Variants in LMF1 observed in about 807,000 individuals in gnomAD.
LMF1 encodes the protein lipase maturation factor 1.
In LMF1, 68 loss-of-function variants were observed where a neutral mutation model predicts 60.6. The observed-to-expected ratio is 1.12, with a 90% CI of 0.92 to 1.37. LMF1 has a LOEUF of 1.37. Ranked by LOEUF, LMF1 falls within the 40% of genes most tolerant of loss-of-function variation. LMF1 has a pLI of 0.00. For synonymous variants in LMF1, 418 were observed against 324.7 expected (o/e 1.29, Z -3.09); for missense variants, 948 against 767.2 (o/e 1.24, Z -2.78).
At chr16:911,195 A>C (rs2071102745) in intron 3 of LMF1, 116 bp from the exon 4 acceptor site, 1 of 1,170,162 alleles carries the variant, frequency 8.5e-7, no homozygotes, top group African/African-American at 1.5e-5. Flanking sequence ...TGATCTTGCT[A>C]CTGAGAGACA....
rs1567311640 is a variant in LMF1, at chr16:953,919, CAAACCA to C, written c.503+432_503+437del. On this transcript the variant is annotated intron_variant, in intron 2 of 10. Coordinates refer to ENST00000262301, the MANE Select transcript of LMF1 (RefSeq NM_022773.4). ...TACACGTCCACACAGACACCCACCC[CAAACCA>C]GCTTCCTACACGTCCACACAGACAC... is the stretch of plus-strand genomic sequence containing the variant. 2.0e-4 allele frequency among the ~76,000 whole-genome samples: 15 copies of C among 76,476 alleles called. 4 individuals are homozygous for C. The East Asian group carries it at 8.9e-3, about 46-fold the overall frequency. 50.2% of individuals were successfully genotyped at this position (76,476 alleles called of 152,430 possible).
chr16:954,656 G>A lies in LMF1; in HGVS notation c.204C>T (p.Phe68=), dbSNP rs1422495914. Residue 68 remains phenylalanine, a synonymous_variant, in exon 2 of 11, where the codon TTC becomes TTT. Coordinates refer to ENST00000262301, the MANE Select transcript of LMF1 (RefSeq NM_022773.4). ...GCTTGTTCTGATGGAAAGCCACCAG[G>A]AATGCCACGACTGGAAGAAAAAGAA... The part of the protein sequence containing the change: ...KALAFVYFVA[F]LVAFHQNKQL... 2.5e-6 allele frequency: 4 copies of A among 1,594,868 alleles called. No homozygotes were observed. The highest frequency in any genetic ancestry group is 2.7e-5 in the African/African-American group (2 of 74,464).
In LMF1 at chr16:878,154, C is replaced by T. The variant is rs576895502; in HGVS notation, c.897+1416G>A. Among the ~76,000 whole-genome samples the T allele has an allele frequency of 1.3e-4, 19 of 151,594 alleles. No homozygotes were observed. The highest frequency in any genetic ancestry group is 5.8e-4 in the East Asian group (3 of 5,140). Reference sequence around the variant, plus strand: ...GGAGCCCCCAAACACGCGTGGGGTCCGGCTACATGGAACCGACTGAAGCTA... The same window carrying T: ...GGAGCCCCCAAACACGCGTGGGGTCTGGCTACATGGAACCGACTGAAGCTA... On this transcript the variant is annotated intron_variant, in intron 6 of 10. Transcript: ENST00000262301. The surrounding 1 kb of genome is among the most constrained non-coding windows in gnomAD (Gnocchi z 5.2).
rs529454172 is a variant in LMF1, at chr16:857,446, G to A, written c.1530-2740C>T. On this transcript the variant is annotated intron_variant, in intron 10 of 10. Transcript: ENST00000262301. ...TGGGTGTGCAGTGGTGTCACGGGAC[G>A]GGTGTGAGTGGTGTCTCGGGACGGG... is the stretch of plus-strand genomic sequence containing the variant. 2.3e-3 allele frequency among the ~76,000 whole-genome samples: 344 copies of A among 148,250 alleles called. 4 individuals are homozygous for A. Among genetic ancestry groups the A allele is most frequent in the African/African-American group, 8.4e-3 (329 of 39,254 alleles).
At chr16:905,674 A>G (rs998489155) in intron 4 of LMF1, among the ~76,000 whole-genome samples, 1 of 151,968 alleles carries the variant, frequency 6.6e-6, no homozygotes, top group Non-Finnish European at 1.5e-5. Context: ...CTTGTCAGGC[A>G]TAATGGCATT....
intron 10 of LMF1, among the ~76,000 whole-genome samples, chr16:865,542 T>G (rs985839526): frequency 1.3e-5 from 2 of 152,196 alleles, no homozygotes; most frequent in Admixed American, 6.5e-5. Flanking sequence ...AGACGAGACT[T>G]CACCATGTTG....
intron 1 of LMF1, among the ~76,000 whole-genome samples, chr16:966,648 C>T (rs1208232350): frequency 3.9e-5 from 6 of 152,236 alleles, no homozygotes; most frequent in African/African-American, 7.2e-5. Flanking sequence ...GTCTCCCAGG[C>T]GGGTGTGTCC....
At chr16:860,005 CT>C (rs1389980845) in intron 10 of LMF1, among the ~76,000 whole-genome samples, 1 of 151,840 alleles carries the variant, frequency 6.6e-6, no homozygotes, top group Non-Finnish European at 1.5e-5. Context: ...GTTTTTGCTT[CT>C]CTAATGACAG....
intron 8 of LMF1, 70 bp downstream of exon 8, chr16:870,659 G>A: frequency 6.4e-7 from 1 of 1,567,952 alleles, no homozygotes; most frequent in Non-Finnish European, 8.7e-7. Context: ...AACCCCACCT[G>A]AATGTGGCTG....
intron 2 of LMF1, among the ~76,000 whole-genome samples, chr16:937,717 G>A (rs1331793978): frequency 6.6e-6 from 1 of 152,218 alleles, no homozygotes; most frequent in South Asian, 2.1e-4. Flanking sequence ...CTTATCATCT[G>A]TAAAAAGACT....
chr16:963,523 G>A (rs977534719), intron 1 of LMF1, among the ~76,000 whole-genome samples: 5 of 152,124 alleles, frequency 3.3e-5, no homozygotes, highest in South Asian at 2.1e-4. Context: ...GTATGTGTGC[G>A]TGTGCAGGGA....
intron 10 of LMF1, among the ~76,000 whole-genome samples, chr16:858,742 G>C (rs2069303384): frequency 9.3e-6 from 1 of 107,036 alleles, no homozygotes; most frequent in Non-Finnish European, 1.8e-5. Context: ...TGGTGTCTCG[G>C]GACGGGTGTG....
intron 9 of LMF1, chr16:869,475 A>T (rs752449406): frequency 1.8e-6 from 1 of 545,096 alleles, no homozygotes. Context: ...TCCGTCCCCC[A>T]GACTGGAAGG....
intron 5 of LMF1, among the ~76,000 whole-genome samples, chr16:886,125 A>C (rs1164056773): frequency 6.6e-6 from 1 of 152,194 alleles, no homozygotes; most frequent in Non-Finnish European, 1.5e-5. Context: ...GATTCTCACA[A>C]CCGCCGTAGG....
intron 2 of LMF1, among the ~76,000 whole-genome samples, chr16:950,573 CGACAGAGTCAGCCAAT>C (rs762350081): frequency 8.3e-6 from 1 of 119,866 alleles, no homozygotes; most frequent in Non-Finnish European, 1.7e-5. Context: ...TCAGAGCCAA[CGACAGAGTCAGCCAAT>C]GACAGAGTCA....
chr16:881,336 C>G (rs1435364787), intron 5 of LMF1: 1 of 152,314 alleles, frequency 6.6e-6, no homozygotes, highest in Non-Finnish European at 1.5e-5. Context: ...AACATCATGA[C>G]CTGAAACTTG....
intron 3 of LMF1, among the ~76,000 whole-genome samples, chr16:913,975 A>G (rs2071196450): frequency 6.6e-6 from 1 of 152,208 alleles, no homozygotes; most frequent in Admixed American, 6.5e-5. Flanking sequence ...ATCTGCAGAC[A>G]ATGGCGAATG....
At chr16:938,637 AG>A (rs2072009414) in intron 2 of LMF1, among the ~76,000 whole-genome samples, 1 of 152,238 alleles carries the variant, frequency 6.6e-6, no homozygotes, top group Non-Finnish European at 1.5e-5. Flanking sequence ...GAGGAAGTCC[AG>A]GTCCCAGGGC....
intron 5 of LMF1, among the ~76,000 whole-genome samples, chr16:891,110 C>A (rs1374904253): frequency 6.6e-6 from 1 of 152,248 alleles, no homozygotes; most frequent in Non-Finnish European, 1.5e-5. Flanking sequence ...GGACCCACTG[C>A]ATCCCAGCTG....
Sources: gnomAD v4.1 joint callset for allele counts (sites outside exome capture counted in the v4.1 genomes callset) on GRCh38, gnomAD v4.1.1 for gene constraint, Gnocchi (gnomAD v3.1) non-coding constraint, MANE v1.5 for transcripts, NCBI Gene and HGNC (gene_info 2026-07-23, HGNC 2026-07-21) for gene names.